The following DST variants were observed in gnomAD, a reference collection of about 807,000 sequenced individuals.
DST encodes the protein dystonin, also known as bullous pemphigoid antigen.
A neutral mutation model predicts 875.2 loss-of-function variants in DST; 253 were observed. That is an observed-to-expected ratio of 0.29 (90% CI 0.26 to 0.32). The LOEUF is 0.32. DST is among the 10% of genes least tolerant of loss of function. The pLI is 1.00. For missense variants in DST, 8,287 were observed against 9,111.6 expected (o/e 0.91, Z 3.68); for synonymous variants, 3,124 against 3,197.1 (o/e 0.98, Z 0.77).
At chr6:56,474,202 G>A in intron 92 of DST, 200 bp from the exon 93 acceptor site, 1 of 457,498 alleles carries the variant, frequency 2.2e-6, no homozygotes. Context: ...TATAAAATGT[G>A]GCCAGGTGCA....
intron 2 of DST, among the ~76,000 whole-genome samples, chr6:56,909,446 C>T (rs1334582407): frequency 6.6e-6 from 1 of 152,330 alleles, no homozygotes; most frequent in East Asian, 1.9e-4. Context: ...TTTGAAGCAA[C>T]CATGCTTCCA....
rs772866380 is a variant in DST at position 56,603,919 on chromosome 6, TC to T, written c.10708del (p.Asp3570IlefsTer47). On this transcript the variant is annotated frameshift_variant, in exon 40 of 104. Coordinates refer to ENST00000680361, the MANE Select transcript of DST (RefSeq NM_001374736.1). LOFTEE classifies it high-confidence loss of function. ...ATGGCTTGGGAAATCATTACACAGA[TC>T]CTTGAGCTTCTCATCTCTTGGCAAT... ...STLPRDEKLK[D>X]LCNDFPSHLE... 6.2e-7 allele frequency: 1 copy of T among 1,611,486 alleles called. No homozygotes were observed. The highest frequency in any genetic ancestry group is 8.5e-7 in the Non-Finnish European group (1 of 1,178,604).
chr6:56,460,075 A>G, intron 103 of DST, 56 bp downstream of exon 103: 1 of 1,546,844 alleles, frequency 6.5e-7, no homozygotes, highest in Non-Finnish European at 8.8e-7. Context: ...AGGGACTTTA[A>G]TCCTCAGATG....
chr6:56,486,521 A>G (rs1283723643), intron 87 of DST, among the ~76,000 whole-genome samples: 1 of 152,294 alleles, frequency 6.6e-6, no homozygotes, highest in Non-Finnish European at 1.5e-5. Context: ...CATGTACAAT[A>G]TATTTGAACT....
chr6:56,806,336 C>A (rs1173688577), intron 4 of DST, among the ~76,000 whole-genome samples: 1 of 152,090 alleles, frequency 6.6e-6, no homozygotes, highest in Non-Finnish European at 1.5e-5. Context: ...GAAAATTAAA[C>A]CCATAAACAC....
chr6:56,697,938 G>C (rs1038986322), intron 9 of DST, among the ~76,000 whole-genome samples: 11 of 152,144 alleles, frequency 7.2e-5, no homozygotes, highest in African/African-American at 2.7e-4. Context: ...ACAAGGTCTG[G>C]TTCTGCGCTT....
rs567353824 is a variant in DST at position 56,759,340 on chromosome 6, A to G, written c.626-24051T>C. On this transcript the variant is annotated intron_variant, in intron 4 of 103. Coordinates refer to ENST00000680361, the MANE Select transcript of DST (RefSeq NM_001374736.1). ...GTGGCACATGCCTGTAGTCCCAGCTACTCAGGAGGCTGAGGAAGGAGAATT... is the reference window on the plus strand; with the variant it reads ...GTGGCACATGCCTGTAGTCCCAGCTGCTCAGGAGGCTGAGGAAGGAGAATT... Among the ~76,000 whole-genome samples the G allele has an allele frequency of 1.1e-4, 16 of 152,110 alleles. No individual in the cohort carries two copies. In the South Asian group the frequency reaches 3.1e-3, roughly 30 times the overall value.
chr6:56,487,682 T>A (rs2095611390), intron 86 of DST, among the ~76,000 whole-genome samples: 1 of 152,184 alleles, frequency 6.6e-6, no homozygotes, highest in Non-Finnish European at 1.5e-5. Context: ...AATCATAAGC[T>A]TTTATAGAGC....
Position 56,601,689 on chromosome 6 carries a change from T to C in DST, c.11308-13A>G, listed in dbSNP as rs1381300064. The stretch of plus-strand genomic sequence containing the variant: ...CTTTTAATACATTCTGTTAAAAAAG[T>C]AGTACAAGCTATCAGTAGAAAGTTA... On this transcript the variant is annotated splice_polypyrimidine_tract_variant and intron_variant, in intron 43 of 103. Coordinates refer to ENST00000680361, the MANE Select transcript of DST (RefSeq NM_001374736.1). 4 of 1,455,176 alleles carry C rather than the reference T, an allele frequency of 2.7e-6. No homozygotes were observed. The highest frequency in any genetic ancestry group is 2.4e-5 in the East Asian group (1 of 41,290). 90.1% of individuals were successfully genotyped at this position (1,455,176 alleles called of 1,614,324 possible). A position where few individuals can be genotyped will look rare whatever the true frequency, so the allele number is the denominator to read the frequency against.
chr6:56,602,587 C>T (rs116237595), intron 43 of DST, among the ~76,000 whole-genome samples: 2,479 of 151,810 alleles, frequency 0.016, 32 homozygotes, highest in Non-Finnish European at 0.029. Flanking sequence ...TTTTATATGG[C>T]TAATTCATAC....
Position 56,642,494 on chromosome 6 carries a change from C to G in DST, c.1788G>C (p.Met596Ile). The G allele has an allele frequency of 6.2e-7, 1 of 1,612,936 alleles. No homozygotes were observed. Among genetic ancestry groups the G allele is most frequent in the African/African-American group, 1.3e-5 (1 of 75,034 alleles). The stretch of plus-strand genomic sequence containing the variant: ...GAACTCTGTTGGCAATCTGTTGCAA[C>G]ATTTCTAACCTAAAAGATGAGACAA... ...ALRPEVERLE[M>I]LQQIANRVQR... Residue 596 changes from methionine (M) to isoleucine (I), a missense_variant, in exon 16 of 104, where the codon ATG becomes ATC. Met to Ile is a conservative substitution (Grantham distance 10). This residue lies in a region of DST where 1,160 missense variants were observed against 1,424.3 expected (regional missense o/e 0.81). Coordinates refer to ENST00000680361, the MANE Select transcript of DST (RefSeq NM_001374736.1).
chr6:56,811,302 A>G lies in DST; in HGVS notation c.625+40095T>C, dbSNP rs531501299. On this transcript the variant is annotated intron_variant, in intron 4 of 103. Transcript: ENST00000680361. Reference sequence around the variant, plus strand: ...ACAGTAGAGAAAGGAGTAAGCCAGGAAAGTCTCTCAGCTGACACCAGGGAG... The same window carrying G: ...ACAGTAGAGAAAGGAGTAAGCCAGGGAAGTCTCTCAGCTGACACCAGGGAG... Among the ~76,000 whole-genome samples, 5 of 152,052 alleles carry G rather than the reference A, an allele frequency of 3.3e-5. No homozygotes were observed. The South Asian group carries it at 1.0e-3, about 32-fold the overall frequency.
At chr6:56,601,070 G>T (rs1265371170) in intron 44 of DST, among the ~76,000 whole-genome samples, 1 of 152,018 alleles carries the variant, frequency 6.6e-6, no homozygotes, top group African/African-American at 2.4e-5. Flanking sequence ...TAGCTCCAGA[G>T]CCCATGATCT....
intron 88 of DST, chr6:56,483,451 G>GGTA (rs1443981809): frequency 6.7e-6 from 1 of 149,462 alleles, no homozygotes; most frequent in Non-Finnish European, 1.5e-5. Flanking sequence ...TAATATCTTA[G>GGTA]GTACTAACTC....
In DST at chr6:56,608,576, T is replaced by C. The variant is rs749890686; in HGVS notation, c.6052A>G (p.Arg2018Gly). The change falls in exon 40 of 104, where the codon AGG (arginine) becomes GGG (glycine). Residue 2018 changes from arginine (R) to glycine (G), a missense_variant. Transcript: ENST00000680361. ...GTGAGGATACTGCTAGCAGTGTCCC[T>C]GTCAATCACCCCTTCTCTGACAGCT... Reference protein sequence around the residue: ...EEAVREGVIDRDTASSILTYQ... With the variant: ...EEAVREGVIDGDTASSILTYQ... The C allele has an allele frequency of 1.9e-6, 3 of 1,613,498 alleles. No individual in the cohort carries two copies. The highest frequency in any genetic ancestry group is 2.5e-6 in the Non-Finnish European group (3 of 1,179,726).
chr6:56,665,612 G>A (rs2099068420), intron 10 of DST, among the ~76,000 whole-genome samples: 1 of 152,018 alleles, frequency 6.6e-6, no homozygotes, highest in Non-Finnish European at 1.5e-5. Context: ...AAAAATATGA[G>A]TTACTCTTTG....
intron 2 of DST, among the ~76,000 whole-genome samples, chr6:56,912,341 T>G (rs2127719625): frequency 6.6e-6 from 1 of 152,334 alleles, no homozygotes. Flanking sequence ...TAAATTTTAA[T>G]TAATTAAAAT....
rs775621708 is a variant in DST, at chr6:56,474,035, G to C, written c.21865-33C>G. ...GAAAGAAATGATGTCAATCAAATAA[G>C]AGTTACTACAGAAAACCGTCTTTAG... On this transcript the variant is annotated intron_variant, in intron 92 of 103. Transcript: ENST00000680361. 37 of 1,548,498 alleles carry C rather than the reference G, an allele frequency of 2.4e-5. No homozygotes were observed. The South Asian group carries it at 4.4e-4, about 18-fold the overall frequency.
intron 4 of DST, among the ~76,000 whole-genome samples, chr6:56,751,190 G>C (rs966487747): frequency 2.6e-5 from 4 of 152,096 alleles, no homozygotes; most frequent in East Asian, 1.9e-4. Flanking sequence ...ATTATTATTA[G>C]CTACTAGTAG....
Sources: gnomAD v4.1 joint callset for allele counts (sites outside exome capture counted in the v4.1 genomes callset) on GRCh38, gnomAD v4.1.1 for gene constraint, gnomAD v4.1.1 regional missense constraint, MANE v1.5 for transcripts, NCBI Gene and HGNC (gene_info 2026-07-23, HGNC 2026-07-21) for gene names.